SAAL1: variants seen among roughly 807,000 people sequenced by gnomAD.
SAAL1 encodes protein SAAL1.
In SAAL1, 42 loss-of-function variants were observed where a neutral mutation model predicts 59.8. That is an observed-to-expected ratio of 0.70 (90% CI 0.55 to 0.91). The LOEUF (loss-of-function observed/expected upper bound fraction) is 0.91, where lower values mean the gene tolerates loss of function less well. Among genes scored for constraint, SAAL1 ranks in the 40% least tolerant of loss-of-function variants. The pLI is 0.00. For synonymous variants in SAAL1, 191 were observed against 194.3 expected (o/e 0.98, Z 0.14); for missense variants, 542 against 561.1 (o/e 0.97, Z 0.34).
Position 18,080,371 on chromosome 11 carries a change from T to C in SAAL1, c.*28A>G, listed in dbSNP as rs759384637. 2.2e-6 allele frequency: 3 copies of C among 1,371,722 alleles called. No homozygotes were observed. The South Asian group carries it at 3.8e-5, about 17-fold the overall frequency. The allele number at this position is 1,371,722 out of a possible 1,614,324, so 85.0% of individuals were successfully genotyped here. On this transcript the variant is annotated 3_prime_UTR_variant, in exon 12 of 12. Transcript: ENST00000524803. Reference sequence around the variant, plus strand: ...CAGTGAGAAAAATAAAGTTTATTTCTTGTACAGAAGTAATTCCAATTCAGG... The same window carrying C: ...CAGTGAGAAAAATAAAGTTTATTTCCTGTACAGAAGTAATTCCAATTCAGG...
At chr11:18,103,013 T>A (rs1015021824) in intron 2 of SAAL1, among the ~76,000 whole-genome samples, 4 of 152,128 alleles carry the variant, frequency 2.6e-5, no homozygotes, top group Non-Finnish European at 5.9e-5. Context: ...AAGAGCTACG[T>A]ATTTAGTCCG....
chr11:18,083,959 T>C (rs2134054642), intron 9 of SAAL1, among the ~76,000 whole-genome samples: 1 of 152,320 alleles, frequency 6.6e-6, no homozygotes, highest in African/African-American at 2.4e-5. Flanking sequence ...AAAAGAGGAA[T>C]ATAATATAGC....
chr11:18,089,193 G>C (rs879030352), intron 7 of SAAL1, 137 bp downstream of exon 7: 1 of 676,850 alleles, frequency 1.5e-6, no homozygotes. Context: ...ATCACAAATA[G>C]TAGTAGTGAA....
rs985203892 is a variant in SAAL1, at chr11:18,087,157, C to T, written c.839G>A (p.Gly280Glu). The change falls in exon 8 of 12, where the codon GGA (glycine) becomes GAA (glutamate). Residue 280 changes from glycine (G) to glutamate (E), a missense_variant. Physicochemically the swap from Gly to Glu is moderately conservative, Grantham distance 98. Transcript: ENST00000524803. ...ILQLLTTVDD[G>E]IQAIVHCPDT... ...AACCACCTTACCAATTGCTTGAATT[C>T]CATCATCCACTGTAGTAAGCAGTTG... The T allele has an allele frequency of 1.2e-6, 2 of 1,612,676 alleles. No individual in the cohort carries two copies. Among genetic ancestry groups the T allele is most frequent in the Admixed American group, 1.7e-5 (1 of 60,012 alleles).
intron 2 of SAAL1, among the ~76,000 whole-genome samples, chr11:18,101,972 A>G (rs1848638779): frequency 6.6e-6 from 1 of 152,224 alleles, no homozygotes; most frequent in African/African-American, 2.4e-5. Flanking sequence ...AAAGCAGATC[A>G]GTGGTTGCCT....
intron 7 of SAAL1, among the ~76,000 whole-genome samples, chr11:18,087,968 T>C (rs547830384): frequency 6.6e-6 from 1 of 152,336 alleles, no homozygotes; most frequent in African/African-American, 2.4e-5. Context: ...CACTATGGGC[T>C]AGGAACTTCA....
At chr11:18,094,091 T>C (rs2134061364) in intron 3 of SAAL1, 1 of 152,300 alleles carries the variant, frequency 6.6e-6, no homozygotes, top group South Asian at 2.1e-4. Context: ...TCATCTCAGA[T>C]CTACTGAATC....
At chr11:18,094,649 G>C (rs1311776555) in intron 3 of SAAL1, among the ~76,000 whole-genome samples, 3 of 151,996 alleles carry the variant, frequency 2.0e-5, no homozygotes, top group Non-Finnish European at 2.9e-5. Context: ...GTCCATATTC[G>C]GGACAGTATA....
intron 10 of SAAL1, 138 bp from the exon 11 acceptor site, chr11:18,081,641 C>G (rs189143328): frequency 5.0e-5 from 33 of 653,850 alleles, no homozygotes; most frequent in Middle Eastern, 6.4e-4. Context: ...CCACCAACAT[C>G]AAGGAGGCTT....
At chr11:18,088,202 T>G (rs1343172568) in intron 7 of SAAL1, among the ~76,000 whole-genome samples, 1 of 152,196 alleles carries the variant, frequency 6.6e-6, no homozygotes, top group Non-Finnish European at 1.5e-5. Flanking sequence ...GTCCATAAGC[T>G]GTACTTTATT....
intron 1 of SAAL1, 95 bp from the exon 2 acceptor site, chr11:18,103,441 G>GT: frequency 1.0e-6 from 1 of 958,674 alleles, no homozygotes; most frequent in South Asian, 1.3e-5. Flanking sequence ...ACATTTCCTC[G>GT]TAACGCTGAT....
chr11:18,086,098 C>G (rs1049698373), intron 9 of SAAL1, among the ~76,000 whole-genome samples: 1 of 152,066 alleles, frequency 6.6e-6, no homozygotes, highest in Non-Finnish European at 1.5e-5. Flanking sequence ...ATCATGTTTC[C>G]TTGATATTTT....
chr11:18,097,238 A>AAAAAAAAT (rs1338024750), intron 2 of SAAL1, among the ~76,000 whole-genome samples: 1 of 151,852 alleles, frequency 6.6e-6, no homozygotes, highest in African/African-American at 2.4e-5. Context: ...CTCTGTCTCC[A>AAAAAAAAT]AAAAAAATAA....
intron 2 of SAAL1, among the ~76,000 whole-genome samples, chr11:18,097,533 CG>C (rs1323960568): frequency 1.3e-4 from 20 of 152,176 alleles, no homozygotes; most frequent in Admixed American, 2.0e-4. Context: ...AAACTAGAAG[CG>C]GGGGACAAGG....
At chr11:18,090,035 A>C (rs1356614942) in intron 6 of SAAL1, 140 bp downstream of exon 6, 9 of 785,174 alleles carry the variant, frequency 1.1e-5, no homozygotes, top group Non-Finnish European at 1.4e-5. Context: ...GTGACAGAGC[A>C]AGATTCTGTC....
At chr11:18,082,648 T>C (rs1168384959) in intron 10 of SAAL1, among the ~76,000 whole-genome samples, 1 of 152,050 alleles carries the variant, frequency 6.6e-6, no homozygotes, top group Non-Finnish European at 1.5e-5. Flanking sequence ...ATTTTGTTTT[T>C]TGAGATAGGG....
intron 2 of SAAL1, among the ~76,000 whole-genome samples, chr11:18,099,163 TCA>T (rs1848606496): frequency 6.6e-6 from 1 of 152,222 alleles, no homozygotes; most frequent in Non-Finnish European, 1.5e-5. Flanking sequence ...CAGTGGCTAT[TCA>T]CAGATTCACA....
At chr11:18,091,673 A>G (rs1264438852) in intron 4 of SAAL1, among the ~76,000 whole-genome samples, 1 of 152,238 alleles carries the variant, frequency 6.6e-6, no homozygotes, top group Non-Finnish European at 1.5e-5. Context: ...AATTCAGCAT[A>G]TAATTTCGGG....
chr11:18,099,823 G>T (rs992307744), intron 2 of SAAL1, among the ~76,000 whole-genome samples: 20 of 152,238 alleles, frequency 1.3e-4, no homozygotes, highest in African/African-American at 4.6e-4. Context: ...GAAAGTGCAG[G>T]AAGTATCTGG....
Sources: gnomAD v4.1 joint callset for allele counts (sites outside exome capture counted in the v4.1 genomes callset) on GRCh38, gnomAD v4.1.1 for gene constraint, MANE v1.5 for transcripts, NCBI Gene and HGNC (gene_info 2026-07-23, HGNC 2026-07-21) for gene names.